The following RHOBTB3 variants were observed in gnomAD, a reference collection of about 807,000 sequenced individuals.
RHOBTB3 encodes the protein rho-related BTB domain-containing protein 3.
RHOBTB3 carries 47 observed loss-of-function variants against 67.2 expected under a neutral mutation model. That is an observed-to-expected ratio of 0.70 (90% CI 0.55 to 0.89). RHOBTB3 has a LOEUF of 0.89. Ranked by LOEUF, RHOBTB3 falls within the 40% of genes least tolerant of loss-of-function variation. The probability of loss-of-function intolerance (pLI) is 0.00; values close to 1 mark genes in which losing one functional copy is unlikely to be tolerated. For missense variants in RHOBTB3, 631 were observed against 750.0 expected, an observed-to-expected ratio of 0.84 and a Z score of 1.85; for synonymous variants, 273 against 274.2, an observed-to-expected ratio of 1.00 and a Z score of 0.04.
upstream of RHOBTB3, among the ~76,000 whole-genome samples, chr5:95,726,167 T>A (rs2112755055): frequency 6.6e-6 from 1 of 152,360 alleles, no homozygotes. Context: ...TGACTGGAAT[T>A]TTAGCAAAAC....
chr5:95,758,192 A>AGG (rs1745302468), intron 6 of RHOBTB3, among the ~76,000 whole-genome samples: 1 of 152,156 alleles, frequency 6.6e-6, no homozygotes, highest in African/African-American at 2.4e-5. Context: ...GCTTTCTCCT[A>AGG]GGGGGAGTGC....
intron 3 of RHOBTB3, among the ~76,000 whole-genome samples, chr5:95,743,931 A>G (rs1028068920): frequency 1.4e-5 from 2 of 147,428 alleles, no homozygotes; most frequent in East Asian, 4.1e-4. Context: ...CTGGTCTCGA[A>G]CTCCTGACCT....
chr5:95,737,016 T>C lies in RHOBTB3; in HGVS notation c.356T>C (p.Ile119Thr), dbSNP rs144735826. 500 of 1,605,926 alleles carry C rather than the reference T, an allele frequency of 3.1e-4. 1 individual carries two copies. Among genetic ancestry groups the C allele is most frequent in the South Asian group, 5.0e-4 (45 of 90,680 alleles). ...GTAAAGGATAATTATATTCCAGTGATAAAAAGAGCATTAAATTCAGTTCCA... is the reference window on the plus strand; with the variant it reads ...GTAAAGGATAATTATATTCCAGTGACAAAAAGAGCATTAAATTCAGTTCCA... Reference protein sequence around the residue: ...HEVKDNYIPVIKRALNSVPVI... With the variant: ...HEVKDNYIPVTKRALNSVPVI... The change falls in exon 3 of 12, where the codon ATA becomes ACA. Residue 119 changes from isoleucine to threonine, a missense_variant. Transcript: ENST00000379982.
In RHOBTB3 at chr5:95,752,247, T is replaced by C. The variant is rs151086701; in HGVS notation, c.579T>C (p.Tyr193=). The part of the protein sequence containing the change: ...IGKYFGGVLE[Y]FMIQALNQKT... Reference sequence around the variant, plus strand: ...TTTGATTCCTGTTTTAGTTGGAGTATTTTATGATTCAAGCCTTAAATCAGA... The same window carrying C: ...TTTGATTCCTGTTTTAGTTGGAGTACTTTATGATTCAAGCCTTAAATCAGA... The change falls in exon 5 of 12, where the codon TAT becomes TAC. Residue 193 remains tyrosine, a synonymous_variant. Coordinates refer to ENST00000379982, the MANE Select transcript of RHOBTB3 (RefSeq NM_014899.4). 4.5e-6 allele frequency: 7 copies of C among 1,564,964 alleles called. No homozygotes were observed. The highest frequency in any genetic ancestry group is 6.1e-6 in the Non-Finnish European group (7 of 1,147,778).
Position 95,788,838 on chromosome 5 carries a change from C to A in RHOBTB3, c.1700C>A (p.Pro567His). 6.4e-7 allele frequency: 1 copy of A among 1,559,596 alleles called. No individual in the cohort carries two copies. Among genetic ancestry groups the A allele is most frequent in the Non-Finnish European group, 8.6e-7 (1 of 1,160,458 alleles). The change falls in exon 11 of 12, where the codon CCT becomes CAT. Residue 567 changes from proline (P) to histidine (H), a missense_variant. Transcript: ENST00000379982. ...AACTACCTCATCTTCAGTCAAAAGC[C>A]TGAATTTCAGGATCTTTCAGGTAGA... Reference protein sequence around the residue: ...ATNYLIFSQKPEFQDLSVEER... With the variant: ...ATNYLIFSQKHEFQDLSVEER...
rs910752607 is a variant in RHOBTB3 at position 95,794,329 on chromosome 5, C to T, written c.*1155C>T. On this transcript the variant is annotated 3_prime_UTR_variant, in exon 12 of 12. Transcript: ENST00000379982. ...AGATGCTCTGTAGAGAATTTGCTACCGAAGTTGGCTCAAGAATTTGTTTTT... is the reference window on the plus strand; with the variant it reads ...AGATGCTCTGTAGAGAATTTGCTACTGAAGTTGGCTCAAGAATTTGTTTTT... The T allele has an allele frequency of 3.3e-4, 56 of 167,362 alleles. No individual in the cohort carries two copies. Among genetic ancestry groups the T allele is most frequent in the African/African-American group, 1.2e-3 (50 of 41,894 alleles). The allele number at this position is 167,362 out of a possible 1,614,324, so 10.4% of individuals were successfully genotyped here.
chr5:95,760,767 G>C (rs1351094611), intron 6 of RHOBTB3, among the ~76,000 whole-genome samples: 1 of 152,180 alleles, frequency 6.6e-6, no homozygotes, highest in Admixed American at 6.5e-5. Context: ...GAGACCTGCT[G>C]TATGACATTG....
At chr5:95,757,755 T>C (rs1446824270) in intron 6 of RHOBTB3, among the ~76,000 whole-genome samples, 1 of 152,214 alleles carries the variant, frequency 6.6e-6, no homozygotes, top group East Asian at 1.9e-4. Flanking sequence ...ATTAAGCACC[T>C]GTACAGCACA....
At chr5:95,773,242 A>G (rs1440890978) in intron 8 of RHOBTB3, among the ~76,000 whole-genome samples, 2 of 152,132 alleles carry the variant, frequency 1.3e-5, no homozygotes, top group Non-Finnish European at 2.9e-5. Context: ...TTCACCCTTT[A>G]TGCAGGGCTG....
chr5:95,719,183 C>T (rs1009326284), intron 1 of RHOBTB3, among the ~76,000 whole-genome samples: 41 of 152,066 alleles, frequency 2.7e-4, no homozygotes, highest in African/African-American at 9.9e-4. Flanking sequence ...GTTGAGGTTC[C>T]GGAATGAGGT....
upstream of RHOBTB3, among the ~76,000 whole-genome samples, chr5:95,729,876 T>C (rs1422111544): frequency 6.6e-6 from 1 of 152,226 alleles, no homozygotes; most frequent in Non-Finnish European, 1.5e-5. Flanking sequence ...TAATCATCCA[T>C]TACATGTGTA....
chr5:95,742,256 TG>T (rs1471714975), intron 3 of RHOBTB3, among the ~76,000 whole-genome samples: 1 of 152,242 alleles, frequency 6.6e-6, no homozygotes, highest in African/African-American at 2.4e-5. Flanking sequence ...TGGGCACTGA[TG>T]CCCTTATTTC....
chr5:95,790,325 A>G (rs929985996), intron 11 of RHOBTB3, among the ~76,000 whole-genome samples: 2 of 152,234 alleles, frequency 1.3e-5, no homozygotes, highest in Non-Finnish European at 2.9e-5. Flanking sequence ...GAAGCTTGCT[A>G]AAAGTTAAAT....
chr5:95,755,550 T>C lies in RHOBTB3; in HGVS notation c.837T>C (p.His279=). The C allele has an allele frequency of 1.2e-6, 2 of 1,614,050 alleles. No homozygotes were observed. Among genetic ancestry groups the C allele is most frequent in the East Asian group, 2.2e-5 (1 of 44,886 alleles). ...AHKIVLCAVS[H]VFMLLFNVKS... is the part of the protein sequence containing the mutation. ...AGATCGTTCTCTGCGCTGTAAGCCATGTTTTCATGCTGCTTTTCAATGTGA... is the reference window on the plus strand; with the variant it reads ...AGATCGTTCTCTGCGCTGTAAGCCACGTTTTCATGCTGCTTTTCAATGTGA... The change falls in exon 6 of 12, where the codon CAT becomes CAC. Residue 279 remains histidine (H), a synonymous_variant. Coordinates refer to ENST00000379982, the MANE Select transcript of RHOBTB3 (RefSeq NM_014899.4).
chr5:95,762,546 T>G (rs1745423150), intron 6 of RHOBTB3, among the ~76,000 whole-genome samples: 1 of 152,076 alleles, frequency 6.6e-6, no homozygotes, highest in Admixed American at 6.6e-5. Flanking sequence ...ACACTAGTAG[T>G]TAATAGCTGA....
intron 8 of RHOBTB3, among the ~76,000 whole-genome samples, chr5:95,768,603 T>G (rs1745616000): frequency 6.6e-6 from 1 of 152,220 alleles, no homozygotes; most frequent in Admixed American, 6.5e-5. Flanking sequence ...TTCAGCTGTC[T>G]TCTGTTTCTT....
chr5:95,720,419 G>A (rs141855740), intron 1 of RHOBTB3, among the ~76,000 whole-genome samples: 77 of 152,288 alleles, frequency 5.1e-4, no homozygotes, highest in African/African-American at 1.7e-3. Context: ...AAAGGACTGA[G>A]GAATTTATAT....
chr5:95,787,717 T>G (rs1746264418), intron 10 of RHOBTB3, among the ~76,000 whole-genome samples: 1 of 152,226 alleles, frequency 6.6e-6, no homozygotes, highest in Non-Finnish European at 1.5e-5. Flanking sequence ...GGATGAAACT[T>G]GGAAAATATT....
At position 95,731,619 on chromosome 5, in the gene RHOBTB3, G is replaced by A; in HGVS notation, c.-64G>A. Reference sequence around the variant, plus strand: ...TTGCGGGTGAACTCGCCGCCCGGGGGCCCCGCGAAGCCGTGAGCCGCTGCT... The same window carrying A: ...TTGCGGGTGAACTCGCCGCCCGGGGACCCCGCGAAGCCGTGAGCCGCTGCT... On this transcript the variant is annotated 5_prime_UTR_variant, in exon 1 of 12. Coordinates refer to ENST00000379982, the MANE Select transcript of RHOBTB3 (RefSeq NM_014899.4). 6.2e-7 allele frequency: 1 copy of A among 1,605,816 alleles called. No individual in the cohort carries two copies. The highest frequency in any genetic ancestry group is 8.5e-7 in the Non-Finnish European group (1 of 1,176,768).
Sources: allele counts gnomAD v4.1 joint callset (sites outside exome capture counted in the v4.1 genomes callset), GRCh38; gene constraint gnomAD v4.1.1; transcripts MANE v1.5; gene names NCBI Gene and HGNC (gene_info 2026-07-23, HGNC 2026-07-21).